Variants in UTRN observed in about 807,000 individuals in gnomAD.
UTRN encodes utrophin.
Under a neutral mutation model 463.9 loss-of-function variants are expected in UTRN, and 283 were observed. The observed-to-expected ratio is 0.61, with a 90% CI of 0.55 to 0.67. The LOEUF (loss-of-function observed/expected upper bound fraction) is 0.67. Among genes scored for constraint, UTRN ranks in the 30% least tolerant of loss-of-function variants. The pLI, the probability that UTRN is intolerant of heterozygous loss-of-function variation, is 0.00. For synonymous variants in UTRN, 1,442 were observed against 1,431.5 expected (o/e 1.01, Z -0.17); for missense variants, 3,922 against 4,084.3 (o/e 0.96, Z 1.08).
chr6:144,614,988 C>T (rs1805929330), intron 51 of UTRN, among the ~76,000 whole-genome samples: 1 of 152,048 alleles, frequency 6.6e-6, no homozygotes, highest in Admixed American at 6.6e-5. Flanking sequence ...AAATAACAAA[C>T]CCCCCTCTTT....
chr6:144,754,909 T>C (rs1391449101), intron 57 of UTRN, 111 bp downstream of exon 57: 1 of 1,036,778 alleles, frequency 9.6e-7, no homozygotes, highest in Admixed American at 2.5e-5. Flanking sequence ...TTTAGATAGA[T>C]CCTTGTAAGG....
intron 2 of UTRN, among the ~76,000 whole-genome samples, chr6:144,332,970 GTCACTCAGGCTGGAGTGCAGTGGTGCGA>G (rs758649257): frequency 5.5e-4 from 83 of 150,928 alleles, no homozygotes; most frequent in Non-Finnish European, 9.4e-4. Flanking sequence ...GTCTCATTCT[GTCACTCAGGCTGGAGTGCAGTGGTGCGA>G]TCTTGGCTCA....
At chr6:144,593,055 C>T (rs1469901977) in intron 51 of UTRN, among the ~76,000 whole-genome samples, 1 of 152,140 alleles carries the variant, frequency 6.6e-6, no homozygotes, top group East Asian at 1.9e-4. Context: ...AGTGTTAGTA[C>T]TAATATGGAT....
intron 2 of UTRN, chr6:144,311,824 A>T (rs1481582723): frequency 6.6e-6 from 1 of 152,210 alleles, no homozygotes; most frequent in Non-Finnish European, 1.5e-5. Flanking sequence ...ATATGATGGT[A>T]TTTAGGGTAA....
In UTRN at chr6:144,754,096, CTA is replaced by C. The variant is rs71689699; in HGVS notation, c.8356-622_8356-621del. Among the ~76,000 whole-genome samples the C allele has an allele frequency of 3.4e-3, 502 of 147,436 alleles. 18 individuals are homozygous for C. The East Asian group carries it at 0.086, about 25-fold the overall frequency. ...TAACTATCCACTATCTATGTACTGT[CTA>C]TTTCTCTCTCTCACTCCCCATATAT... On this transcript the variant is annotated intron_variant, in intron 56 of 74. Coordinates refer to ENST00000367545, the MANE Select transcript of UTRN (RefSeq NM_007124.3).
chr6:144,803,699 T>C (rs980644634), intron 65 of UTRN, among the ~76,000 whole-genome samples: 52 of 152,168 alleles, frequency 3.4e-4, no homozygotes, highest in African/African-American at 1.3e-3. Context: ...ATTACTACAG[T>C]TTACCTAACC....
chr6:144,457,472 A>G (rs1227160749), intron 19 of UTRN, among the ~76,000 whole-genome samples: 1 of 152,230 alleles, frequency 6.6e-6, no homozygotes, highest in African/African-American at 2.4e-5. Flanking sequence ...GCCTGCCTAG[A>G]ATAGAAATGA....
At chr6:144,600,655 A>G (rs1440631445) in intron 51 of UTRN, among the ~76,000 whole-genome samples, 1 of 152,262 alleles carries the variant, frequency 6.6e-6, no homozygotes, top group African/African-American at 2.4e-5. Context: ...TTCATAACAC[A>G]AAAGTACAAA....
chr6:144,434,304 C>T (rs1375475690), intron 9 of UTRN, among the ~76,000 whole-genome samples: 1 of 137,184 alleles, frequency 7.3e-6, no homozygotes, highest in African/African-American at 2.7e-5. Context: ...TACAGTCCAG[C>T]TTCGGCTCGG....
intron 24 of UTRN, 120 bp downstream of exon 24, chr6:144,473,953 C>A (rs1369849229): frequency 4.8e-6 from 3 of 622,078 alleles, no homozygotes; most frequent in Non-Finnish European, 8.0e-6. Context: ...GATAAAATAT[C>A]TTTCATCATA....
In UTRN at chr6:144,435,972, C is replaced by T; in HGVS notation, c.893C>T (p.Ala298Val). Residue 298 changes from alanine to valine, a missense_variant, in exon 10 of 75, where the codon GCT becomes GTT. Ala to Val is a moderately conservative substitution (Grantham distance 64, BLOSUM62 0). Around this residue, in one of 3 missense-constraint regions of UTRN, gnomAD observed 2,349 missense variants for 2,303.8 expected, o/e 1.02. Coordinates refer to ENST00000367545, the MANE Select transcript of UTRN (RefSeq NM_007124.3). ...APEEEHESPR[A>V]ETPSTVTEVD... ...GAGGAGGAGCATGAGAGTCCCCGAG[C>T]TGAAACTCCCAGCACTGTCACTGAG... The T allele has an allele frequency of 6.2e-7, 1 of 1,614,168 alleles. No homozygotes were observed. Among genetic ancestry groups the T allele is most frequent in the East Asian group, 2.2e-5 (1 of 44,880 alleles).
At chr6:144,355,133 T>A (rs1280568684) in intron 2 of UTRN, among the ~76,000 whole-genome samples, 3 of 152,182 alleles carry the variant, frequency 2.0e-5, no homozygotes, top group Admixed American at 6.5e-5. Flanking sequence ...TTAAAAAATG[T>A]GTGGAAAGCA....
intron 51 of UTRN, among the ~76,000 whole-genome samples, chr6:144,660,723 T>A (rs531759748): frequency 2.6e-4 from 39 of 152,312 alleles, no homozygotes; most frequent in African/African-American, 9.4e-4. Flanking sequence ...TGTACAGCCC[T>A]CTGCCTGGGG....
At chr6:144,338,729 G>T (rs1242584836) in intron 2 of UTRN, among the ~76,000 whole-genome samples, 2 of 152,192 alleles carry the variant, frequency 1.3e-5, no homozygotes, top group African/African-American at 4.8e-5. Flanking sequence ...AGAAGATGTG[G>T]TGAGGGTGGG....
At chr6:144,804,628 A>T (rs1006385048) in intron 65 of UTRN, among the ~76,000 whole-genome samples, 1 of 152,196 alleles carries the variant, frequency 6.6e-6, no homozygotes, top group Non-Finnish European at 1.5e-5. Context: ...ATTGGTCAGC[A>T]TCAGTTCCAT....
chr6:144,738,137 A>G (rs1047544198), intron 54 of UTRN, among the ~76,000 whole-genome samples: 1 of 152,172 alleles, frequency 6.6e-6, no homozygotes, highest in African/African-American at 2.4e-5. Flanking sequence ...CTTTTGACTC[A>G]TCCCTTCGAT....
At chr6:144,755,657 C>A (rs1240604875) in intron 57 of UTRN, among the ~76,000 whole-genome samples, 2 of 152,122 alleles carry the variant, frequency 1.3e-5, no homozygotes, top group Non-Finnish European at 2.9e-5. Context: ...CCTTTCCTTT[C>A]ATTTCCTTTA....
chr6:144,640,442 T>C (rs984054917), intron 51 of UTRN, among the ~76,000 whole-genome samples: 1 of 152,184 alleles, frequency 6.6e-6, no homozygotes, highest in Non-Finnish European at 1.5e-5. Context: ...TAAACTCTAT[T>C]TTACGTCTTC....
At chr6:144,724,434 G>A (rs942056555) in intron 53 of UTRN, among the ~76,000 whole-genome samples, 1 of 151,630 alleles carries the variant, frequency 6.6e-6, no homozygotes, top group Non-Finnish European at 1.5e-5. Context: ...TCACCATATT[G>A]GCCAGGCTGG....
Sources: allele counts gnomAD v4.1 joint callset (sites outside exome capture counted in the v4.1 genomes callset), GRCh38; gene constraint gnomAD v4.1.1; regional missense constraint gnomAD v4.1.1; transcripts MANE v1.5; gene names NCBI Gene and HGNC (gene_info 2026-07-23, HGNC 2026-07-21).